Variants in THSD7B observed in about 807,000 individuals in gnomAD.
THSD7B encodes thrombospondin type 1 domain containing 7B.
In THSD7B, 138 loss-of-function variants were observed where a neutral mutation model predicts 213.6. The ratio of observed to expected loss-of-function variants is 0.65; its 90% confidence interval spans 0.56 to 0.74. The LOEUF (loss-of-function observed/expected upper bound fraction) is 0.74. Ranked by LOEUF, THSD7B falls within the 30% of genes least tolerant of loss-of-function variation. The pLI is 0.00. For synonymous variants in THSD7B, 742 were observed against 687.0 expected (o/e 1.08, Z -1.25); for missense variants, 1,931 against 1,991.5 (o/e 0.97, Z 0.58).
intron 2 of THSD7B, 41 bp downstream of exon 2, chr2:136,882,358 A>C: frequency 7.0e-7 from 1 of 1,434,178 alleles, no homozygotes. Context: ...ATTTTCATTA[A>C]CAGGAAGAAT....
chr2:137,279,128 G>A (rs1222976048), intron 12 of THSD7B, among the ~76,000 whole-genome samples: 1 of 152,054 alleles, frequency 6.6e-6, no homozygotes, highest in East Asian at 1.9e-4. Flanking sequence ...AGAAGAAACT[G>A]TAGAACAGTA....
chr2:137,505,640 G>A (rs976863275), intron 15 of THSD7B, among the ~76,000 whole-genome samples: 1 of 152,138 alleles, frequency 6.6e-6, no homozygotes, highest in Non-Finnish European at 1.5e-5. Context: ...TTGCATAATA[G>A]TCAGTGTTTT....
chr2:137,266,383 A>G (rs1156282627), intron 10 of THSD7B, among the ~76,000 whole-genome samples: 1 of 152,238 alleles, frequency 6.6e-6, no homozygotes, highest in Non-Finnish European at 1.5e-5. Flanking sequence ...TTAATGTGAT[A>G]TTAATCATAA....
chr2:137,376,670 G>A (rs1685663682), intron 12 of THSD7B, among the ~76,000 whole-genome samples: 1 of 152,150 alleles, frequency 6.6e-6, no homozygotes, highest in Admixed American at 6.6e-5. Context: ...GGGGTTTAAG[G>A]AGCATAAAGC....
At chr2:137,580,829 T>G (rs1324406450) in intron 17 of THSD7B, among the ~76,000 whole-genome samples, 1 of 151,856 alleles carries the variant, frequency 6.6e-6, no homozygotes, top group Non-Finnish European at 1.5e-5. Context: ...TTGGGGGAGG[T>G]GCCACACACT....
chr2:136,918,734 A>G (rs1163249976), intron 2 of THSD7B, among the ~76,000 whole-genome samples: 1 of 152,220 alleles, frequency 6.6e-6, no homozygotes, highest in Non-Finnish European at 1.5e-5. Context: ...TCAGGAAGCA[A>G]TCTGGCCTTT....
At chr2:137,358,319 G>A (rs1685179212) in intron 12 of THSD7B, among the ~76,000 whole-genome samples, 1 of 152,114 alleles carries the variant, frequency 6.6e-6, no homozygotes, top group Non-Finnish European at 1.5e-5. Context: ...TTTATAAATT[G>A]ATTCAAAATA....
At chr2:137,088,568 G>A (rs11900613) in intron 3 of THSD7B, among the ~76,000 whole-genome samples, 2 of 150,908 alleles carry the variant, frequency 1.3e-5, no homozygotes, top group Middle Eastern at 3.4e-3. Flanking sequence ...CATTGGCTTA[G>A]GCAAGGGTTT....
chr2:136,779,238 G>A (rs968430909), intron 1 of THSD7B, among the ~76,000 whole-genome samples: 2 of 141,324 alleles, frequency 1.4e-5, no homozygotes, highest in Non-Finnish European at 3.1e-5. Flanking sequence ...GTGTGTGTGT[G>A]TGTATTCTTT....
chr2:137,127,892 T>A (rs1269707592), intron 5 of THSD7B, among the ~76,000 whole-genome samples: 1 of 151,960 alleles, frequency 6.6e-6, no homozygotes, highest in Non-Finnish European at 1.5e-5. Context: ...CACTCCAGCC[T>A]GGGTGGCAGA....
At chr2:137,106,318 G>T (rs541364929) in intron 4 of THSD7B, among the ~76,000 whole-genome samples, 1 of 152,148 alleles carries the variant, frequency 6.6e-6, no homozygotes, top group Non-Finnish European at 1.5e-5. Context: ...TTTAATAAAT[G>T]GTGTTGGGAA....
chr2:137,294,696 C>T (rs980946984), intron 12 of THSD7B, among the ~76,000 whole-genome samples: 5 of 150,694 alleles, frequency 3.3e-5, no homozygotes, highest in Admixed American at 1.3e-4. Context: ...TCTTACTGTG[C>T]TTAATCTATA....
chr2:136,961,436 G>T (rs1370442117), intron 2 of THSD7B, among the ~76,000 whole-genome samples: 3 of 151,822 alleles, frequency 2.0e-5, no homozygotes, highest in African/African-American at 7.3e-5. Flanking sequence ...TAGCCAGGAT[G>T]GTCTCGATCT....
At chr2:136,942,033 C>A (rs138602247) in intron 2 of THSD7B, among the ~76,000 whole-genome samples, 8 of 151,962 alleles carry the variant, frequency 5.3e-5, no homozygotes, top group Non-Finnish European at 8.8e-5. Context: ...ATAAGGTGTA[C>A]GGAAGGGATC....
intron 2 of THSD7B, among the ~76,000 whole-genome samples, chr2:136,979,560 A>G (rs531489683): frequency 1.3e-5 from 2 of 151,416 alleles, no homozygotes; most frequent in Non-Finnish European, 2.9e-5. Context: ...CCTCCACTTG[A>G]TCTATTTGGT....
intron 24 of THSD7B, among the ~76,000 whole-genome samples, chr2:137,658,862 T>C (rs754387678): frequency 1.3e-5 from 2 of 152,236 alleles, no homozygotes; most frequent in Non-Finnish European, 2.9e-5. Context: ...TTGACAATTG[T>C]ACTTATCCAA....
intron 2 of THSD7B, among the ~76,000 whole-genome samples, chr2:136,981,363 C>T (rs563479863): frequency 6.6e-6 from 1 of 152,250 alleles, no homozygotes; most frequent in South Asian, 2.1e-4. Flanking sequence ...GCTATATACA[C>T]TATGGGCCCT....
At chr2:137,049,587 A>G (rs770437103) in intron 2 of THSD7B, among the ~76,000 whole-genome samples, 1 of 151,644 alleles carries the variant, frequency 6.6e-6, no homozygotes, top group Non-Finnish European at 1.5e-5. Flanking sequence ...TTCTAGGGAC[A>G]CATAATTTCT....
At chr2:137,054,451 AC>A (rs1687123550) in intron 2 of THSD7B, among the ~76,000 whole-genome samples, 1 of 152,086 alleles carries the variant, frequency 6.6e-6, no homozygotes, top group Non-Finnish European at 1.5e-5. Context: ...TTAGAACCGG[AC>A]CCTTTTGTCC....
Sources: allele counts gnomAD v4.1 joint callset (sites outside exome capture counted in the v4.1 genomes callset), GRCh38; gene constraint gnomAD v4.1.1; transcripts MANE v1.5; gene names NCBI Gene and HGNC (gene_info 2026-07-23, HGNC 2026-07-21).